TRAM2: variants seen among roughly 807,000 people sequenced by gnomAD.
TRAM2 encodes translocation associated membrane protein 2, also known as translocating chain-associated membrane protein 2.
TRAM2 carries 12 observed loss-of-function variants against 51.0 expected under a neutral mutation model. That is an observed-to-expected ratio of 0.24 (90% CI 0.15 to 0.38). The LOEUF is 0.38. TRAM2 is among the 10% of genes least tolerant of loss of function. The probability of loss-of-function intolerance (pLI) is 1.00; values close to 1 mark genes in which losing one functional copy is unlikely to be tolerated. For missense variants in TRAM2, 361 were observed against 462.0 expected (o/e 0.78, Z 2.00); for synonymous variants, 175 against 179.4 (o/e 0.98, Z 0.20).
chr6:52,559,446 T>C (rs1230052783), intron 1 of TRAM2, among the ~76,000 whole-genome samples: 1 of 152,216 alleles, frequency 6.6e-6, no homozygotes, highest in Non-Finnish European at 1.5e-5. Flanking sequence ...CTGGCATTGA[T>C]GAGCAACGAG....
At chr6:52,548,939 T>C (rs1444359937) in intron 1 of TRAM2, among the ~76,000 whole-genome samples, 1 of 152,220 alleles carries the variant, frequency 6.6e-6, no homozygotes, top group Non-Finnish European at 1.5e-5. Flanking sequence ...TGGAGATTTC[T>C]GGACCTTCTC....
chr6:52,524,747 T>C (rs1013589812), intron 2 of TRAM2: 1 of 152,200 alleles, frequency 6.6e-6, no homozygotes, highest in East Asian at 1.9e-4. Context: ...CTCTACCTTG[T>C]TGCTCTATTT....
chr6:52,531,120 C>CAAA (rs35821052), intron 2 of TRAM2, among the ~76,000 whole-genome samples: 7,126 of 95,894 alleles, frequency 0.074, 445 homozygotes, highest in African/African-American at 0.13. Context: ...CCTGGTTATG[C>CAAA]AAAAAAAAAA....
At chr6:52,575,185 T>C (rs1225875560) in intron 1 of TRAM2, among the ~76,000 whole-genome samples, 1 of 152,236 alleles carries the variant, frequency 6.6e-6, no homozygotes, top group East Asian at 1.9e-4. Context: ...GCTGATATGA[T>C]CTCAGTTAAA....
intron 1 of TRAM2, among the ~76,000 whole-genome samples, chr6:52,566,381 G>A (rs562160417): frequency 2.0e-5 from 3 of 152,184 alleles, no homozygotes; most frequent in Admixed American, 2.0e-4. Flanking sequence ...CTGCTTTGGG[G>A]GCTTGCTTCC....
rs1391800063 is a variant in TRAM2, at chr6:52,498,735, G to GA, written c.*4461dup. On this transcript the variant is annotated 3_prime_UTR_variant, in exon 11 of 11. Coordinates refer to ENST00000182527, the MANE Select transcript of TRAM2 (RefSeq NM_012288.4). The stretch of plus-strand genomic sequence containing the variant: ...ACCCTAATCCTGGGCAGCGGGGTTA[G>GA]AAACAAATGGGGTGAAACTGTCACA... 1 of 152,694 alleles carries GA rather than the reference G, an allele frequency of 6.5e-6. No homozygotes were observed. The highest frequency in any genetic ancestry group is 2.4e-5 in the African/African-American group (1 of 41,424). The allele number at this position is 152,694 out of a possible 1,614,324, so 9.5% of individuals were successfully genotyped here.
At position 52,566,884 on chromosome 6, in the gene TRAM2, G is replaced by A. The variant is rs139648807; in HGVS notation, c.120+9912C>T. On this transcript the variant is annotated intron_variant, in intron 1 of 10. Transcript: ENST00000182527. ...ACTTACTGAGTGAGCACCACTGTGT[G>A]TGCTAGACCAGAAGACCCATATGGC... is the stretch of plus-strand genomic sequence containing the variant. Among the ~76,000 whole-genome samples, 1,370 of 152,318 alleles carry A rather than the reference G, an allele frequency of 9.0e-3. 14 individuals are homozygous for A. Among genetic ancestry groups the A allele is most frequent in the Admixed American group, 0.025 (386 of 15,304 alleles).
At chr6:52,561,652 AT>A (rs897017913) in intron 1 of TRAM2, among the ~76,000 whole-genome samples, 63 of 146,780 alleles carry the variant, frequency 4.3e-4, no homozygotes, top group Non-Finnish European at 4.8e-4. Flanking sequence ...CGCCCGGCTA[AT>A]TTTTTTTTTT....
intron 1 of TRAM2, among the ~76,000 whole-genome samples, chr6:52,574,864 G>C (rs1262521073): frequency 6.6e-6 from 1 of 152,166 alleles, no homozygotes; most frequent in Non-Finnish European, 1.5e-5. Flanking sequence ...ATAAAACAGG[G>C]AGGGCCACAA....
In TRAM2 at chr6:52,503,126, G is replaced by T; in HGVS notation, c.*71C>A. On this transcript the variant is annotated 3_prime_UTR_variant, in exon 11 of 11. Transcript: ENST00000182527. Reference sequence around the variant, plus strand: ...ATCACAGGCAGGAAGGAGGAGGCAGGGAGGGGGCCTGGGCTCCTTGCCCCC... The same window carrying T: ...ATCACAGGCAGGAAGGAGGAGGCAGTGAGGGGGCCTGGGCTCCTTGCCCCC... 7.7e-7 allele frequency: 1 copy of T among 1,305,378 alleles called. No individual in the cohort carries two copies. Among genetic ancestry groups the T allele is most frequent in the Non-Finnish European group, 1.1e-6 (1 of 899,522 alleles). The allele number at this position is 1,305,378 out of a possible 1,614,324, so 80.9% of individuals were successfully genotyped here. A position where few individuals can be genotyped will look rare whatever the true frequency, so the allele number is the denominator to read the frequency against.
At chr6:52,545,527 G>T (rs1366949744) in intron 1 of TRAM2, among the ~76,000 whole-genome samples, 5 of 152,158 alleles carry the variant, frequency 3.3e-5, no homozygotes, top group African/African-American at 1.2e-4. Flanking sequence ...CAGCTCTCCT[G>T]CCAAGGCCTT....
In TRAM2 at chr6:52,525,908, GAC is replaced by G. The variant is rs1324067016; in HGVS notation, c.185-9173_185-9172del. Among the ~76,000 whole-genome samples the G allele has an allele frequency of 3.3e-5, 5 of 152,110 alleles. No homozygotes were observed. The East Asian group carries it at 9.6e-4, about 29-fold the overall frequency. Reference sequence around the variant, plus strand: ...GGTCTTCTAAAAAGGGAGAAATTTAGACACAGAGACAGACACAAACAGAGGGA... The same window carrying G: ...GGTCTTCTAAAAAGGGAGAAATTTAGACAGAGACAGACACAAACAGAGGGA... On this transcript the variant is annotated intron_variant, in intron 2 of 10. Coordinates refer to ENST00000182527, the MANE Select transcript of TRAM2 (RefSeq NM_012288.4).
chr6:52,507,609 G>A lies in TRAM2; in HGVS notation c.570C>T (p.Arg190=). 1 of 1,614,142 alleles carries A rather than the reference G, an allele frequency of 6.2e-7. No individual in the cohort carries two copies. The highest frequency in any genetic ancestry group is 8.5e-7 in the Non-Finnish European group (1 of 1,180,022). ...FQKVRKEEIP[R]QLQYICLYLV... ...GGTACAGGCAAATATACTGGAGCTG[G>A]CGGGGAATTTCCTCCTGGAAACAAG... The change falls in exon 7 of 11, where the codon CGC becomes CGT. Residue 190 remains arginine, a synonymous_variant. Transcript: ENST00000182527.
At chr6:52,532,713 A>C (rs1766913281) in intron 2 of TRAM2, among the ~76,000 whole-genome samples, 1 of 152,232 alleles carries the variant, frequency 6.6e-6, no homozygotes, top group South Asian at 2.1e-4. Flanking sequence ...AATTTGTGGT[A>C]ATCCCTATTA....
rs5876280 is a variant in TRAM2 at position 52,570,803 on chromosome 6, C to CCCCCG, written c.120+5992_120+5993insCGGGG. Among the ~76,000 whole-genome samples, 222 of 122,800 alleles carry CCCCCG rather than the reference C, an allele frequency of 1.8e-3. 3 individuals are homozygous for CCCCCG. Among genetic ancestry groups the CCCCCG allele is most frequent in the East Asian group, 0.012 (38 of 3,088 alleles). 80.6% of individuals were successfully genotyped at this position (122,800 alleles called of 152,430 possible). ...AATCCTCCCTGCCCACCACCCCCCC[C>CCCCCG]CCCACACGCACACACACTCTGCCTC... On this transcript the variant is annotated intron_variant, in intron 1 of 10. Transcript: ENST00000182527.
chr6:52,576,898 C>G lies in TRAM2; in HGVS notation c.18G>C (p.Arg6Ser). 1 of 1,613,090 alleles carries G rather than the reference C, an allele frequency of 6.2e-7. No individual in the cohort carries two copies. The highest frequency in any genetic ancestry group is 8.5e-7 in the Non-Finnish European group (1 of 1,179,578). The change falls in exon 1 of 11, where the codon AGG (arginine) becomes AGC (serine). Residue 6 changes from arginine (R) to serine (S), a missense_variant. Coordinates refer to ENST00000182527, the MANE Select transcript of TRAM2 (RefSeq NM_012288.4). ...GGCTGAAGAGCGGGTAACTTTTCGT[C>G]CTCCTGCGGAAAGCCATGGCAGCGG... MAFRRRTKSYPLFSQE... is the reference protein window; with the variant it reads MAFRRSTKSYPLFSQE...
At chr6:52,548,611 C>G (rs951894207) in intron 1 of TRAM2, among the ~76,000 whole-genome samples, 1 of 152,236 alleles carries the variant, frequency 6.6e-6, no homozygotes, top group Non-Finnish European at 1.5e-5. Context: ...TTAAGCAACA[C>G]GCCCCAAGGC....
At chr6:52,529,297 T>C (rs1243135699) in intron 2 of TRAM2, among the ~76,000 whole-genome samples, 7 of 152,110 alleles carry the variant, frequency 4.6e-5, no homozygotes, top group African/African-American at 1.2e-4. Context: ...CAAATATTTA[T>C]AGAAAAACAA....
At chr6:52,563,738 G>A (rs1181884043) in intron 1 of TRAM2, among the ~76,000 whole-genome samples, 1 of 151,204 alleles carries the variant, frequency 6.6e-6, no homozygotes, top group African/African-American at 2.4e-5. Flanking sequence ...GGGGACAGGG[G>A]AGCTAGATGA....
Sources: gnomAD v4.1 joint callset for allele counts (sites outside exome capture counted in the v4.1 genomes callset) on GRCh38, gnomAD v4.1.1 for gene constraint, MANE v1.5 for transcripts, NCBI Gene and HGNC (gene_info 2026-07-23, HGNC 2026-07-21) for gene names.